Variants in TRIR observed in about 807,000 individuals in gnomAD.
The protein encoded by TRIR is telomerase RNA component interacting RNase.
In TRIR, 5 loss-of-function variants were observed where a neutral mutation model predicts 18.2. That is an observed-to-expected ratio of 0.27 (90% confidence interval 0.14 to 0.58). TRIR has a LOEUF of 0.58. Among genes scored for constraint, TRIR ranks in the 20% least tolerant of loss-of-function variants. The pLI, the probability that TRIR is intolerant of heterozygous loss-of-function variation, is 0.91. For synonymous variants in TRIR, 134 were observed against 114.4 expected, an observed-to-expected ratio of 1.17 and a Z score of -1.10; for missense variants, 206 against 252.8, an observed-to-expected ratio of 0.81 and a Z score of 1.25.
Position 12,731,362 on chromosome 19 carries a change from C to A in TRIR, c.405G>T (p.Lys135Asn). ...LALKTGIVAK[K>N]QKTEDEVLTS... ...GGCTCACCTCATCCTCCGTCTTCTG[C>A]TTCTTGGCTACTATTCCCGTCTTGA... The change falls in exon 2 of 3, where the codon AAG becomes AAT. Residue 135 changes from lysine to asparagine, a missense_variant. Lys to Asn is a moderately conservative substitution (Grantham distance 94). Transcript: ENST00000242784. This position sits in a 1 kb window ranked among gnomAD's most constrained non-coding sequence, Gnocchi z 5.1. 6.2e-7 allele frequency: 1 copy of A among 1,613,930 alleles called. No homozygotes were observed. The highest frequency in any genetic ancestry group is 8.5e-7 in the Non-Finnish European group (1 of 1,180,036).
At chr19:12,733,334 C>T (rs1313355884) in intron 1 of TRIR, among the ~76,000 whole-genome samples, 1 of 152,198 alleles carries the variant, frequency 6.6e-6, no homozygotes, top group Non-Finnish European at 1.5e-5. Flanking sequence ...TTCCTCCACA[C>T]TACAGGGACT....
rs1599439962 is a variant in TRIR at position 12,731,224 on chromosome 19, C to G, written c.423+120G>C. The G allele has an allele frequency of 5.9e-6, 8 of 1,356,094 alleles. No homozygotes were observed. In the East Asian group the frequency reaches 1.6e-4, roughly 27 times the overall value. The allele number at this position is 1,356,094 out of a possible 1,614,324, so 84.0% of individuals were successfully genotyped here. A position where few individuals can be genotyped will look rare whatever the true frequency, so the allele number is the denominator to read the frequency against. ...TATCTGGGGACCCATTGACAGCCCT[C>G]CTACCCTGCCAGGCACACTCATAAA... On this transcript the variant is annotated intron_variant, in intron 2 of 2. Transcript: ENST00000242784. The surrounding 1 kb of genome is among the most constrained non-coding windows in gnomAD (Gnocchi z 5.1).
Position 12,734,206 on chromosome 19 carries a change from T to A in TRIR, c.345+107A>T. The A allele has an allele frequency of 1.7e-6, 2 of 1,144,604 alleles. No homozygotes were observed. Among genetic ancestry groups the A allele is most frequent in the Non-Finnish European group, 2.3e-6 (2 of 863,602 alleles). The allele number at this position is 1,144,604 out of a possible 1,614,324, so 70.9% of individuals were successfully genotyped here. On this transcript the variant is annotated intron_variant, in intron 1 of 2. Coordinates refer to ENST00000242784, the MANE Select transcript of TRIR (RefSeq NM_024038.4). The surrounding 1 kb of genome is among the most constrained non-coding windows in gnomAD (Gnocchi z 4.1). ...TCAGCGGGTGACCCGGACGGGCCCC[T>A]CATTCAGAACGGAAAGTGGACTTCG...
intron 1 of TRIR, among the ~76,000 whole-genome samples, chr19:12,733,007 G>A (rs1967464009): frequency 1.3e-5 from 2 of 152,092 alleles, no homozygotes; most frequent in Admixed American, 1.3e-4. Context: ...GGGCTCAAGC[G>A]ATCCTCCTGT....
At position 12,734,231 on chromosome 19, in the gene TRIR, G is replaced by A; in HGVS notation, c.345+82C>T. ...TCATTCAGAACGGAAAGTGGACTTC[G>A]GTCCCGATCCCCCTTCACGGGCCCC... On this transcript the variant is annotated intron_variant, in intron 1 of 2. Coordinates refer to ENST00000242784, the MANE Select transcript of TRIR (RefSeq NM_024038.4). The surrounding 1 kb of genome is among the most constrained non-coding windows in gnomAD (Gnocchi z 4.1). 7.8e-7 allele frequency: 1 copy of A among 1,286,948 alleles called. No homozygotes were observed. The allele number at this position is 1,286,948 out of a possible 1,614,324, so 79.7% of individuals were successfully genotyped here. A position where few individuals can be genotyped will look rare whatever the true frequency, so the allele number is the denominator to read the frequency against.
chr19:12,733,530 T>C (rs977733326), intron 1 of TRIR, among the ~76,000 whole-genome samples: 1 of 152,142 alleles, frequency 6.6e-6, no homozygotes, highest in African/African-American at 2.4e-5. Flanking sequence ...CCTCTACCCA[T>C]AGATGTCACT....
In TRIR at chr19:12,734,425, C is replaced by T; in HGVS notation, c.233G>A (p.Arg78Gln). Reference protein sequence around the residue: ...LFKRKMEEEQRQRQEEPPPGP... With the variant: ...LFKRKMEEEQQQRQEEPPPGP... ...CGGGGGCGGCTCCTCCTGCCGCTGCCGCTGCTCCTCCTCCATCTTCCGCTT... is the reference window on the plus strand; with the variant it reads ...CGGGGGCGGCTCCTCCTGCCGCTGCTGCTGCTCCTCCTCCATCTTCCGCTT... Residue 78 changes from arginine (R) to glutamine (Q), a missense_variant, in exon 1 of 3, where the codon CGG becomes CAG. Physicochemically the swap from Arg to Gln is conservative, Grantham distance 43. Coordinates refer to ENST00000242784, the MANE Select transcript of TRIR (RefSeq NM_024038.4). This position sits in a 1 kb window ranked among gnomAD's most constrained non-coding sequence, Gnocchi z 4.1. 6.6e-7 allele frequency: 1 copy of T among 1,524,538 alleles called. No homozygotes were observed. Among genetic ancestry groups the T allele is most frequent in the African/African-American group, 1.4e-5 (1 of 70,386 alleles). 94.4% of individuals were successfully genotyped at this position (1,524,538 alleles called of 1,614,324 possible).
In TRIR at chr19:12,731,125, C is replaced by T; in HGVS notation, c.424-57G>A. The T allele has an allele frequency of 6.9e-7, 1 of 1,450,910 alleles. No homozygotes were observed. The highest frequency in any genetic ancestry group is 9.7e-7 in the Non-Finnish European group (1 of 1,032,282). The allele number at this position is 1,450,910 out of a possible 1,614,324, so 89.9% of individuals were successfully genotyped here. A position where few individuals can be genotyped will look rare whatever the true frequency, so the allele number is the denominator to read the frequency against. Reference sequence around the variant, plus strand: ...GTGCCAGGAACCAGGGTCAGGACTGCCCTGAGACAGGTGACCCATTCCCAG... The same window carrying T: ...GTGCCAGGAACCAGGGTCAGGACTGTCCTGAGACAGGTGACCCATTCCCAG... On this transcript the variant is annotated intron_variant, in intron 2 of 2. Coordinates refer to ENST00000242784, the MANE Select transcript of TRIR (RefSeq NM_024038.4). This position sits in a 1 kb window ranked among gnomAD's most constrained non-coding sequence, Gnocchi z 5.1.
intron 1 of TRIR, among the ~76,000 whole-genome samples, chr19:12,733,567 C>T (rs990687256): frequency 6.6e-6 from 1 of 152,052 alleles, no homozygotes; most frequent in Non-Finnish European, 1.5e-5. Context: ...GTTCTGACAA[C>T]CAAAAATGTC....
intron 1 of TRIR, among the ~76,000 whole-genome samples, chr19:12,732,846 TC>T (rs1390723194): frequency 6.6e-6 from 1 of 152,076 alleles, no homozygotes; most frequent in Non-Finnish European, 1.5e-5. Flanking sequence ...CGCCTCGGCC[TC>T]CCAAAGTGCT....
chr19:12,733,464 T>G (rs958745822), intron 1 of TRIR, among the ~76,000 whole-genome samples: 3 of 152,192 alleles, frequency 2.0e-5, no homozygotes, highest in Non-Finnish European at 4.4e-5. Context: ...TATTCTTTGT[T>G]TGGGGGTGGG....
rs911114699 is a variant in TRIR, at chr19:12,730,719, A to G, written c.*242T>C. ...GGAGGGTGAGAAGAGGAAGACAGAA[A>G]GAGCCAGAGAGAATGAGGAGGTGAG... On this transcript the variant is annotated 3_prime_UTR_variant, in exon 3 of 3. Coordinates refer to ENST00000242784, the MANE Select transcript of TRIR (RefSeq NM_024038.4). The G allele has an allele frequency of 5.3e-6, 3 of 563,720 alleles. No individual in the cohort carries two copies. Among genetic ancestry groups the G allele is most frequent in the African/African-American group, 3.8e-5 (2 of 53,024 alleles). The allele number at this position is 563,720 out of a possible 1,614,324, so 34.9% of individuals were successfully genotyped here.
rs917292227 is a variant in TRIR, at chr19:12,734,580, G to C, written c.78C>G (p.Ser26Arg). 4 of 1,522,994 alleles carry C rather than the reference G, an allele frequency of 2.6e-6. No individual in the cohort carries two copies. Among genetic ancestry groups the C allele is most frequent in the Non-Finnish European group, 3.5e-6 (4 of 1,140,534 alleles). 94.3% of individuals were successfully genotyped at this position (1,522,994 alleles called of 1,614,324 possible). A position where few individuals can be genotyped will look rare whatever the true frequency, so the allele number is the denominator to read the frequency against. ...TCCCCGATCCCGACTCAGCCCAACG[G>C]CTCCCGCCACCGCCACCGCCCGCGG... ...PGPAGGGGGG[S>R]RWAESGSGTS... The change falls in exon 1 of 3, where the codon AGC (serine) becomes AGG (arginine). Residue 26 changes from serine (S) to arginine (R), a missense_variant. By Grantham distance (110) the Ser-to-Arg change is moderately radical. Coordinates refer to ENST00000242784, the MANE Select transcript of TRIR (RefSeq NM_024038.4). The surrounding 1 kb of genome is among the most constrained non-coding windows in gnomAD (Gnocchi z 4.1).
intron 1 of TRIR, among the ~76,000 whole-genome samples, chr19:12,732,124 C>CA (rs34115155): frequency 0.4 from 31,950 of 79,300 alleles, 5,197 homozygotes; most frequent in Middle Eastern, 0.52. Context: ...GACTCTGTCT[C>CA]AAAAAAAAAA....
At position 12,730,932 on chromosome 19, in the gene TRIR, C is replaced by T. The variant is rs1453958060; in HGVS notation, c.*29G>A. On this transcript the variant is annotated 3_prime_UTR_variant, in exon 3 of 3. Coordinates refer to ENST00000242784, the MANE Select transcript of TRIR (RefSeq NM_024038.4). Reference sequence around the variant, plus strand: ...ATAGTTATGTACATCGCAGAGAGTCCCAGGCCATGGGCAGGTGGGGGAGGG... The same window carrying T: ...ATAGTTATGTACATCGCAGAGAGTCTCAGGCCATGGGCAGGTGGGGGAGGG... The T allele has an allele frequency of 7.6e-6, 12 of 1,588,180 alleles. No homozygotes were observed. The highest frequency in any genetic ancestry group is 9.5e-6 in the Non-Finnish European group (11 of 1,156,630).
chr19:12,731,200 A>G lies in TRIR; in HGVS notation c.424-132T>C. On this transcript the variant is annotated intron_variant, in intron 2 of 2. Coordinates refer to ENST00000242784, the MANE Select transcript of TRIR (RefSeq NM_024038.4). This position sits in a 1 kb window ranked among gnomAD's most constrained non-coding sequence, Gnocchi z 5.1. ...GAGCTGAAGATTATAAAGTCAAGTTATCTGGGGACCCATTGACAGCCCTCC... is the reference window on the plus strand; with the variant it reads ...GAGCTGAAGATTATAAAGTCAAGTTGTCTGGGGACCCATTGACAGCCCTCC... 1 of 1,261,932 alleles carries G rather than the reference A, an allele frequency of 7.9e-7. No homozygotes were observed. Among genetic ancestry groups the G allele is most frequent in the East Asian group, 2.3e-5 (1 of 42,994 alleles). The allele number at this position is 1,261,932 out of a possible 1,614,324, so 78.2% of individuals were successfully genotyped here. A position where few individuals can be genotyped will look rare whatever the true frequency, so the allele number is the denominator to read the frequency against.
chr19:12,734,650 G>A lies in TRIR; in HGVS notation c.8C>T (p.Ala3Val). The change falls in exon 1 of 3, where the codon GCC (alanine) becomes GTC (valine). Residue 3 changes from alanine (A) to valine (V), a missense_variant. Transcript: ENST00000242784. This position sits in a 1 kb window ranked among gnomAD's most constrained non-coding sequence, Gnocchi z 4.1. MA[A>V]RGRRAEPQGR... is the part of the protein sequence containing the mutation. ...CTGAGGCTCCGCCCGTCTCCCTCGG[G>A]CAGCCATTTTGTCGCCAGGTGCCGC... 6.6e-7 allele frequency: 1 copy of A among 1,506,744 alleles called. No individual in the cohort carries two copies. Among genetic ancestry groups the A allele is most frequent in the Non-Finnish European group, 8.8e-7 (1 of 1,136,032 alleles). The allele number at this position is 1,506,744 out of a possible 1,614,324, so 93.3% of individuals were successfully genotyped here. A position where few individuals can be genotyped will look rare whatever the true frequency, so the allele number is the denominator to read the frequency against.
intron 1 of TRIR, among the ~76,000 whole-genome samples, chr19:12,732,774 G>C (rs1180099706): frequency 6.6e-6 from 1 of 152,102 alleles, no homozygotes; most frequent in Non-Finnish European, 1.5e-5. Context: ...ATTTTTAGTA[G>C]AGTCAGGGTT....
Position 12,730,844 on chromosome 19 carries a change from T to C in TRIR, c.*117A>G. 1.1e-6 allele frequency: 1 copy of C among 929,024 alleles called. No individual in the cohort carries two copies. The highest frequency in any genetic ancestry group is 2.1e-5 in the Admixed American group (1 of 47,216). 57.5% of individuals were successfully genotyped at this position (929,024 alleles called of 1,614,324 possible). A position where few individuals can be genotyped will look rare whatever the true frequency, so the allele number is the denominator to read the frequency against. On this transcript the variant is annotated 3_prime_UTR_variant, in exon 3 of 3. Transcript: ENST00000242784. Reference sequence around the variant, plus strand: ...GAATCGTCCACGGCTGCGGGAAGCATCTCGGTTTCCTTCTGCTTTTAAGTC... The same window carrying C: ...GAATCGTCCACGGCTGCGGGAAGCACCTCGGTTTCCTTCTGCTTTTAAGTC...
Sources: allele counts gnomAD v4.1 joint callset (sites outside exome capture counted in the v4.1 genomes callset), GRCh38; gene constraint gnomAD v4.1.1; non-coding constraint Gnocchi (gnomAD v3.1); transcripts MANE v1.5; gene names NCBI Gene and HGNC (gene_info 2026-07-23, HGNC 2026-07-21).